The following GRIK3 variants were observed in gnomAD, a reference collection of about 807,000 sequenced individuals.
The protein encoded by GRIK3 is glutamate receptor ionotropic, kainate 3.
A neutral mutation model predicts 102.5 loss-of-function variants in GRIK3; 29 were observed. The observed-to-expected ratio is 0.28, with a 90% CI of 0.21 to 0.39. The LOEUF is 0.39. GRIK3 is among the 10% of genes least tolerant of loss of function. GRIK3 has a pLI of 1.00. For missense variants in GRIK3, 908 were observed against 1,252.4 expected (o/e 0.73, Z 4.15); for synonymous variants, 511 against 504.9 (o/e 1.01, Z -0.16).
At chr1:37,015,324 C>G (rs768473711) in intron 1 of GRIK3, among the ~76,000 whole-genome samples, 1 of 152,158 alleles carries the variant, frequency 6.6e-6, no homozygotes, top group Non-Finnish European at 1.5e-5. Context: ...CCCCAAATGT[C>G]AAGAAAGTAA....
Position 36,933,251 on chromosome 1 carries a change from C to G in GRIK3, c.116-42155G>C, listed in dbSNP as rs3767074. On this transcript the variant is annotated intron_variant, in intron 1 of 15. Coordinates refer to ENST00000373091, the MANE Select transcript of GRIK3 (RefSeq NM_000831.4). ...CCCCCACCCCTGCCATTCCCCACCT[C>G]TCTGCCAAGTGACTTCACTTTGCTC... Among the ~76,000 whole-genome samples, 82 of 152,316 alleles carry G rather than the reference C, an allele frequency of 5.4e-4. No individual in the cohort carries two copies. The East Asian group carries it at 0.015, about 28-fold the overall frequency.
chr1:36,930,979 A>G (rs1641582251), intron 1 of GRIK3, among the ~76,000 whole-genome samples: 1 of 152,208 alleles, frequency 6.6e-6, no homozygotes, highest in African/African-American at 2.4e-5. Flanking sequence ...TATCTCTGGC[A>G]TAGCTTGGAG....
At chr1:36,805,664 C>T (rs1052768843) in intron 14 of GRIK3, among the ~76,000 whole-genome samples, 3 of 152,140 alleles carry the variant, frequency 2.0e-5, no homozygotes, top group Admixed American at 6.5e-5. Flanking sequence ...TGTCCAGGTG[C>T]GGTGGCTCAT....
chr1:36,955,601 C>T (rs1353915191), intron 1 of GRIK3, among the ~76,000 whole-genome samples: 1 of 152,200 alleles, frequency 6.6e-6, no homozygotes, highest in Non-Finnish European at 1.5e-5. Context: ...CATGCACATA[C>T]ATTCACACAC....
chr1:36,853,651 C>A lies in GRIK3; in HGVS notation c.1176G>T (p.Leu392=), dbSNP rs1475168737. 1 of 1,613,508 alleles carries A rather than the reference C, an allele frequency of 6.2e-7. No homozygotes were observed. The highest frequency in any genetic ancestry group is 1.3e-5 in the African/African-American group (1 of 74,906). Residue 392 remains leucine, a synonymous_variant, in exon 8 of 16, where the codon CTG becomes CTT. Transcript: ENST00000373091. ...KTSGLRTDFD[L]DIISLKEDGL... is the part of the protein sequence containing the mutation. ...CATCCTCTTTCAGGCTGATGATGTCCAGATCAAAATCCGTCCGCAAGCCAC... is the reference window on the plus strand; with the variant it reads ...CATCCTCTTTCAGGCTGATGATGTCAAGATCAAAATCCGTCCGCAAGCCAC...
intron 1 of GRIK3, among the ~76,000 whole-genome samples, chr1:36,913,489 C>T (rs1170612628): frequency 6.6e-6 from 1 of 152,170 alleles, no homozygotes; most frequent in African/African-American, 2.4e-5. Context: ...ATCCAGATGC[C>T]TTTTAGCTTA....
At chr1:36,868,025 C>A (rs1432764164) in intron 5 of GRIK3, among the ~76,000 whole-genome samples, 1 of 152,138 alleles carries the variant, frequency 6.6e-6, no homozygotes, top group Non-Finnish European at 1.5e-5. Flanking sequence ...CACGTTAATG[C>A]CATTGGCCAC....
chr1:37,017,593 C>T (rs1272001851), intron 1 of GRIK3, among the ~76,000 whole-genome samples: 2 of 152,020 alleles, frequency 1.3e-5, no homozygotes, highest in Admixed American at 6.6e-5. Context: ...CACAGTTGGG[C>T]GTGCCTAGAA....
chr1:36,920,635 C>T (rs891588946), intron 1 of GRIK3, among the ~76,000 whole-genome samples: 2 of 152,188 alleles, frequency 1.3e-5, no homozygotes, highest in African/African-American at 2.4e-5. Context: ...GCCACCTCCC[C>T]CATGCACCAG....
intron 10 of GRIK3, among the ~76,000 whole-genome samples, chr1:36,840,493 A>C (rs1319680812): frequency 6.9e-6 from 1 of 144,390 alleles, no homozygotes; most frequent in Non-Finnish European, 1.5e-5. Flanking sequence ...CAGGAGGATT[A>C]CTTGAATCCA....
rs529831543 is a variant in GRIK3 at position 36,966,534 on chromosome 1, T to C, written c.115+67460A>G. ...ACCTTGGTCTTTTGACTTCCCACAGTTGAAGTTAGCGGGGGAGTGAAGGTG... is the reference window on the plus strand; with the variant it reads ...ACCTTGGTCTTTTGACTTCCCACAGCTGAAGTTAGCGGGGGAGTGAAGGTG... On this transcript the variant is annotated intron_variant, in intron 1 of 15. Transcript: ENST00000373091. Among the ~76,000 whole-genome samples the C allele has an allele frequency of 3.3e-5, 5 of 152,200 alleles. No homozygotes were observed. In the South Asian group the frequency reaches 6.2e-4, roughly 19 times the overall value.
At chr1:36,823,855 A>G (rs1642723361) in intron 11 of GRIK3, among the ~76,000 whole-genome samples, 2 of 152,194 alleles carry the variant, frequency 1.3e-5, no homozygotes, top group African/African-American at 2.4e-5. Context: ...CTGGGTTTGA[A>G]GCCCAACTCT....
chr1:37,002,625 T>C (rs898911197), intron 1 of GRIK3, among the ~76,000 whole-genome samples: 3 of 152,130 alleles, frequency 2.0e-5, no homozygotes, highest in African/African-American at 7.2e-5. Context: ...TTATGAAATC[T>C]GCTAGCCACT....
chr1:36,878,606 C>G (rs1640934091), intron 3 of GRIK3, among the ~76,000 whole-genome samples: 1 of 152,234 alleles, frequency 6.6e-6, no homozygotes, highest in South Asian at 2.1e-4. Flanking sequence ...CAAGGTCACT[C>G]TCTCTTAAGA....
chr1:36,846,400 C>T (rs1417903994), intron 9 of GRIK3, among the ~76,000 whole-genome samples: 1 of 152,156 alleles, frequency 6.6e-6, no homozygotes, highest in Non-Finnish European at 1.5e-5. Context: ...GGTGGCAGCT[C>T]ACACAGAGCT....
chr1:36,906,105 C>T (rs1383561551), intron 1 of GRIK3, among the ~76,000 whole-genome samples: 1 of 152,248 alleles, frequency 6.6e-6, no homozygotes, highest in East Asian at 1.9e-4. Flanking sequence ...CACCCTGTCA[C>T]TGGGCCCTGG....
chr1:36,964,615 C>A (rs1642060403), intron 1 of GRIK3, among the ~76,000 whole-genome samples: 1 of 152,162 alleles, frequency 6.6e-6, no homozygotes, highest in South Asian at 2.1e-4. Context: ...TCCTGATGCC[C>A]ATTGGATAGA....
intron 10 of GRIK3, among the ~76,000 whole-genome samples, chr1:36,838,679 C>T (rs944755174): frequency 2.6e-5 from 4 of 152,118 alleles, no homozygotes; most frequent in Admixed American, 1.3e-4. Flanking sequence ...CCAAATGGGC[C>T]CCGGGGGGTG....
intron 9 of GRIK3, among the ~76,000 whole-genome samples, chr1:36,846,446 A>G (rs1640520344): frequency 1.3e-5 from 2 of 152,224 alleles, no homozygotes; most frequent in Non-Finnish European, 2.9e-5. Flanking sequence ...TGGGAAAGAA[A>G]GGGGAGGAGA....
Sources: allele counts gnomAD v4.1 joint callset (sites outside exome capture counted in the v4.1 genomes callset), GRCh38; gene constraint gnomAD v4.1.1; transcripts MANE v1.5; gene names NCBI Gene and HGNC (gene_info 2026-07-23, HGNC 2026-07-21).